Variants in CLSTN2 observed in about 807,000 individuals in gnomAD.
CLSTN2 encodes calsyntenin-2.
A neutral mutation model predicts 101.2 loss-of-function variants in CLSTN2; 48 were observed. The observed-to-expected ratio is 0.47, with a 90% CI of 0.38 to 0.60. The LOEUF (loss-of-function observed/expected upper bound fraction) is 0.60, where lower values mean the gene tolerates loss of function less well. Ranked by LOEUF, CLSTN2 falls within the 20% of genes least tolerant of loss-of-function variation. The pLI, the probability that CLSTN2 is intolerant of heterozygous loss-of-function variation, is 0.00. For synonymous variants in CLSTN2, 481 were observed against 463.6 expected (o/e 1.04, Z -0.48); for missense variants, 1,160 against 1,238.2 (o/e 0.94, Z 0.95).
At chr3:140,550,631 GC>G (rs1469971936) in intron 10 of CLSTN2, among the ~76,000 whole-genome samples, 2 of 152,044 alleles carry the variant, frequency 1.3e-5, no homozygotes, top group African/African-American at 4.8e-5. Context: ...AGGGTACTAG[GC>G]CCCATAGAGC....
intron 1 of CLSTN2, among the ~76,000 whole-genome samples, chr3:139,967,588 C>A (rs1225182957): frequency 6.6e-6 from 1 of 152,190 alleles, no homozygotes; most frequent in Non-Finnish European, 1.5e-5. Flanking sequence ...TCTCTGGAAG[C>A]CTCACTGTGT....
rs147810199 is a variant in CLSTN2, at chr3:140,063,011, T to A, written c.110-112940T>A. On this transcript the variant is annotated intron_variant, in intron 1 of 16. Coordinates refer to ENST00000458420, the MANE Select transcript of CLSTN2 (RefSeq NM_022131.3). Reference sequence around the variant, plus strand: ...ATTGTGATCTTGAGATACATATGCTTCCTTCACACATTAAGTGACAAGATC... The same window carrying A: ...ATTGTGATCTTGAGATACATATGCTACCTTCACACATTAAGTGACAAGATC... 2.9e-3 allele frequency among the ~76,000 whole-genome samples: 438 copies of A among 152,342 alleles called. 2 individuals carry two copies. Among genetic ancestry groups the A allele is most frequent in the African/African-American group, 9.9e-3 (412 of 41,582 alleles).
At chr3:140,377,308 A>G (rs2087927998) in intron 2 of CLSTN2, among the ~76,000 whole-genome samples, 1 of 152,232 alleles carries the variant, frequency 6.6e-6, no homozygotes, top group Non-Finnish European at 1.5e-5. Flanking sequence ...ATAAATGACT[A>G]TATTACTGAT....
Position 140,345,830 on chromosome 3 carries a change from G to A in CLSTN2, c.233-57799G>A, listed in dbSNP as rs1396019172. On this transcript the variant is annotated intron_variant, in intron 2 of 16. Transcript: ENST00000458420. ...GCTGGAGATGGGAACGTATATGTTT[G>A]CCGGATGGTACTTTAAAGTCACAGC... Among the ~76,000 whole-genome samples, 5 of 152,128 alleles carry A rather than the reference G, an allele frequency of 3.3e-5. No homozygotes were observed. In the East Asian group the frequency reaches 9.6e-4, roughly 29 times the overall value.
intron 2 of CLSTN2, among the ~76,000 whole-genome samples, chr3:140,386,537 T>G (rs1329678228): frequency 6.6e-6 from 1 of 152,184 alleles, no homozygotes; most frequent in Non-Finnish European, 1.5e-5. Flanking sequence ...CTCAGCTGCT[T>G]GAGCTGGTCG....
At chr3:139,959,793 C>A (rs1935472182) in intron 1 of CLSTN2, among the ~76,000 whole-genome samples, 1 of 152,164 alleles carries the variant, frequency 6.6e-6, no homozygotes, top group Non-Finnish European at 1.5e-5. Flanking sequence ...AATACAACTT[C>A]TCTCTGCAGC....
intron 8 of CLSTN2, among the ~76,000 whole-genome samples, chr3:140,478,608 C>G (rs1313905850): frequency 6.6e-6 from 1 of 152,130 alleles, no homozygotes; most frequent in Admixed American, 6.6e-5. Flanking sequence ...TGCAAATGAG[C>G]ACAGACTTTT....
At chr3:140,085,666 A>G (rs1364535415) in intron 1 of CLSTN2, among the ~76,000 whole-genome samples, 1 of 152,032 alleles carries the variant, frequency 6.6e-6, no homozygotes, top group African/African-American at 2.4e-5. Context: ...TTCTCTGAAC[A>G]TCCTGGCCTG....
intron 1 of CLSTN2, among the ~76,000 whole-genome samples, chr3:140,060,405 G>A (rs1231156496): frequency 1.3e-5 from 2 of 152,130 alleles, no homozygotes; most frequent in Non-Finnish European, 2.9e-5. Flanking sequence ...ATGAGGAGCT[G>A]CTTTAATACG....
intron 8 of CLSTN2, among the ~76,000 whole-genome samples, chr3:140,518,279 A>C (rs1335110351): frequency 1.3e-5 from 2 of 152,208 alleles, no homozygotes; most frequent in Non-Finnish European, 2.9e-5. Flanking sequence ...ACCTGTAGCA[A>C]CTTCTGTGGT....
chr3:140,505,830 T>C (rs1179040766), intron 8 of CLSTN2: 8 of 152,200 alleles, frequency 5.3e-5, no homozygotes, highest in Admixed American at 5.2e-4. Flanking sequence ...AAATTAATTT[T>C]CTTCAACTAC....
At chr3:140,286,726 G>A (rs1306799642) in intron 2 of CLSTN2, among the ~76,000 whole-genome samples, 2 of 152,182 alleles carry the variant, frequency 1.3e-5, no homozygotes, top group Non-Finnish European at 2.9e-5. Context: ...GAAAGGAGGA[G>A]CCTGCTCCAC....
chr3:140,046,170 G>A (rs2007876280), intron 1 of CLSTN2, among the ~76,000 whole-genome samples: 1 of 152,140 alleles, frequency 6.6e-6, no homozygotes, highest in Admixed American at 6.5e-5. Context: ...AGGTCTCTAA[G>A]GACTTGCTTT....
chr3:140,538,126 G>C (rs1364123182), intron 9 of CLSTN2, among the ~76,000 whole-genome samples: 3 of 152,268 alleles, frequency 2.0e-5, no homozygotes, highest in South Asian at 2.1e-4. Flanking sequence ...TCTATTCTTG[G>C]TGGAGATCTC....
At chr3:140,016,713 C>A (rs1024539005) in intron 1 of CLSTN2, among the ~76,000 whole-genome samples, 2 of 145,512 alleles carry the variant, frequency 1.4e-5, no homozygotes, top group African/African-American at 5.1e-5. Context: ...GCAGGAGAAT[C>A]GCTTGAACCT....
intron 1 of CLSTN2, among the ~76,000 whole-genome samples, chr3:140,007,056 G>C (rs1265916872): frequency 6.6e-6 from 1 of 152,130 alleles, no homozygotes; most frequent in South Asian, 2.1e-4. Context: ...ATAGACAGTA[G>C]CATGTCACTG....
chr3:140,313,084 C>T (rs1245436932), intron 2 of CLSTN2, among the ~76,000 whole-genome samples: 2 of 152,102 alleles, frequency 1.3e-5, no homozygotes, highest in South Asian at 2.1e-4. Context: ...CATGGTTCTA[C>T]GTACTGGGGA....
intron 1 of CLSTN2, among the ~76,000 whole-genome samples, chr3:139,990,754 A>G (rs1371907697): frequency 6.6e-6 from 1 of 152,190 alleles, no homozygotes; most frequent in Non-Finnish European, 1.5e-5. Flanking sequence ...TCATAGGCTC[A>G]GGAAGGTGCT....
chr3:140,370,216 G>T (rs1372483007), intron 2 of CLSTN2, among the ~76,000 whole-genome samples: 1 of 152,200 alleles, frequency 6.6e-6, no homozygotes, highest in Non-Finnish European at 1.5e-5. Context: ...ATTGAGGCCT[G>T]CTATCAGCAT....
Sources: allele counts gnomAD v4.1 joint callset (sites outside exome capture counted in the v4.1 genomes callset), GRCh38; gene constraint gnomAD v4.1.1; transcripts MANE v1.5; gene names NCBI Gene and HGNC (gene_info 2026-07-23, HGNC 2026-07-21).